Variants in CDH4 observed in about 807,000 individuals in gnomAD.
The protein encoded by CDH4 is cadherin 4, also known as cadherin-4.
Under a neutral mutation model 86.0 loss-of-function variants are expected in CDH4, and 33 were observed. The ratio of observed to expected loss-of-function variants is 0.38; its 90% CI spans 0.29 to 0.51. The LOEUF (loss-of-function observed/expected upper bound fraction) is 0.51. Ranked by LOEUF, CDH4 falls within the 20% of genes least tolerant of loss-of-function variation. The probability of loss-of-function intolerance (pLI) is 0.86; values close to 1 mark genes in which losing one functional copy is unlikely to be tolerated. For missense variants in CDH4, 1,114 were observed against 1,307.4 expected, an observed-to-expected ratio of 0.85 and a Z score of 2.28; for synonymous variants, 555 against 549.4, an observed-to-expected ratio of 1.01 and a Z score of -0.14.
At position 61,676,376 on chromosome 20, in the gene CDH4, A is replaced by C. The variant is rs562487578; in HGVS notation, c.170-67187A>C. Among the ~76,000 whole-genome samples the C allele has an allele frequency of 2.6e-5, 4 of 152,156 alleles. No homozygotes were observed. Among genetic ancestry groups the C allele is most frequent in the African/African-American group, 9.7e-5 (4 of 41,444 alleles). On this transcript the variant is annotated intron_variant, in intron 2 of 15. Coordinates refer to ENST00000614565, the MANE Select transcript of CDH4 (RefSeq NM_001794.5). This position sits in a 1 kb window ranked among gnomAD's most constrained non-coding sequence, Gnocchi z 4.5. Reference sequence around the variant, plus strand: ...GCATTAGCACCTTCTTTCCATTCCAATTTGGATCTTCCAAGGCATCCATCT... The same window carrying C: ...GCATTAGCACCTTCTTTCCATTCCACTTTGGATCTTCCAAGGCATCCATCT...
intron 3 of CDH4, among the ~76,000 whole-genome samples, chr20:61,745,427 G>A (rs1276063866): frequency 6.6e-6 from 1 of 152,226 alleles, no homozygotes; most frequent in East Asian, 1.9e-4. Flanking sequence ...GTTTAGGTTA[G>A]AAAAGAGAAA....
At chr20:61,637,335 C>G (rs947161113) in intron 2 of CDH4, among the ~76,000 whole-genome samples, 17 of 152,186 alleles carry the variant, frequency 1.1e-4, no homozygotes, top group Non-Finnish European at 2.2e-4. Flanking sequence ...GAGAGACCTC[C>G]CCTACCCGCA....
intron 4 of CDH4, among the ~76,000 whole-genome samples, chr20:61,788,867 T>G (rs1979018509): frequency 6.6e-6 from 1 of 152,184 alleles, no homozygotes; most frequent in East Asian, 1.9e-4. Context: ...AATTGCATCT[T>G]GGAAATCAAC....
At chr20:61,899,977 G>A (rs1343254680) in intron 8 of CDH4, among the ~76,000 whole-genome samples, 1 of 152,198 alleles carries the variant, frequency 6.6e-6, no homozygotes, top group Non-Finnish European at 1.5e-5. Context: ...ATGTTTTTGA[G>A]GTCCTTCTGG....
intron 4 of CDH4, among the ~76,000 whole-genome samples, chr20:61,833,236 C>T (rs753257929): frequency 1.3e-5 from 2 of 152,086 alleles, no homozygotes; most frequent in Admixed American, 6.5e-5. Flanking sequence ...TTCCAATGGA[C>T]GAGACCTAAA....
At chr20:61,903,922 C>A (rs566707884) in intron 8 of CDH4, among the ~76,000 whole-genome samples, 2 of 152,368 alleles carry the variant, frequency 1.3e-5, no homozygotes, top group East Asian at 1.9e-4. Context: ...CTGAGACAGG[C>A]CTGTCTCCTT....
At chr20:61,285,419 G>A (rs549867693) in intron 2 of CDH4, among the ~76,000 whole-genome samples, 5 of 152,294 alleles carry the variant, frequency 3.3e-5, no homozygotes, top group South Asian at 2.1e-4. Context: ...GGGGCAGGAC[G>A]GGTCCGAGGC....
At position 61,312,097 on chromosome 20, in the gene CDH4, T is replaced by C. The variant is rs543159462; in HGVS notation, c.169+57160T>C. ...TGTGTGGTGTGTATATGTATGTGCA[T>C]GTGTGTGATGTGTGGTGTGTGCATG... On this transcript the variant is annotated intron_variant, in intron 2 of 15. Coordinates refer to ENST00000614565, the MANE Select transcript of CDH4 (RefSeq NM_001794.5). Among the ~76,000 whole-genome samples the C allele has an allele frequency of 2.0e-5, 3 of 148,714 alleles. No homozygotes were observed. In the East Asian group the frequency reaches 6.1e-4, roughly 30 times the overall value.
intron 9 of CDH4, among the ~76,000 whole-genome samples, chr20:61,918,849 A>C (rs909372324): frequency 3.3e-5 from 5 of 152,022 alleles, no homozygotes; most frequent in African/African-American, 9.7e-5. Flanking sequence ...TTTTCCTTCC[A>C]TGCCCATCCA....
chr20:61,601,522 G>A (rs6061661), intron 2 of CDH4, among the ~76,000 whole-genome samples: 34,049 of 152,082 alleles, frequency 0.22, 3,910 homozygotes, highest in South Asian at 0.34. Context: ...CGTCAGCCCC[G>A]GCCTAACCCT....
intron 2 of CDH4, among the ~76,000 whole-genome samples, chr20:61,371,836 A>C (rs534082792): frequency 1.3e-4 from 20 of 152,318 alleles, no homozygotes; most frequent in Admixed American, 1.1e-3. Flanking sequence ...TTTGAATCTG[A>C]AATCTTTTCC....
At chr20:61,291,794 CA>C (rs1362493221) in intron 2 of CDH4, among the ~76,000 whole-genome samples, 46 of 152,142 alleles carry the variant, frequency 3.0e-4, no homozygotes, top group African/African-American at 1.0e-3. Context: ...GTTTGTCACA[CA>C]GGTTAACACG....
chr20:61,645,692 C>T (rs995153574), intron 2 of CDH4, among the ~76,000 whole-genome samples: 1 of 151,944 alleles, frequency 6.6e-6, no homozygotes, highest in Non-Finnish European at 1.5e-5. Context: ...GGGAACCATG[C>T]GGAGAGCTGC....
At chr20:61,588,824 C>T (rs777039447) in intron 2 of CDH4, among the ~76,000 whole-genome samples, 20 of 152,198 alleles carry the variant, frequency 1.3e-4, no homozygotes, top group Non-Finnish European at 2.5e-4. Flanking sequence ...AACAGCTTTT[C>T]CAACTGATGT....
At chr20:61,447,661 A>G (rs1442092665) in intron 2 of CDH4, among the ~76,000 whole-genome samples, 3 of 128,564 alleles carry the variant, frequency 2.3e-5, no homozygotes, top group Non-Finnish European at 4.7e-5. Flanking sequence ...GAGATGGTGC[A>G]TGGAAAATTT....
At chr20:61,630,876 G>T (rs985285675) in intron 2 of CDH4, among the ~76,000 whole-genome samples, 4 of 152,192 alleles carry the variant, frequency 2.6e-5, no homozygotes, top group African/African-American at 9.6e-5. Context: ...CATGAACGGG[G>T]CCCTTGCTAC....
Position 61,565,221 on chromosome 20 carries a change from T to TG in CDH4, c.170-178342_170-178341insG, listed in dbSNP as rs1414076004. Among the ~76,000 whole-genome samples the TG allele has an allele frequency of 8.9e-4, 36 of 40,546 alleles. 3 individuals are homozygous for TG. Among genetic ancestry groups the TG allele is most frequent in the Non-Finnish European group, 1.3e-3 (27 of 20,462 alleles). The allele number at this position is 40,546 out of a possible 152,430, so 26.6% of individuals were successfully genotyped here. A position where few individuals can be genotyped will look rare whatever the true frequency, so the allele number is the denominator to read the frequency against. ...GTGGTGGTCGCGGTGCTCTCGGTGGTAGGTGGTGGTGGTGGTGGTGGCGGT... is the reference window on the plus strand; with the variant it reads ...GTGGTGGTCGCGGTGCTCTCGGTGGTGAGGTGGTGGTGGTGGTGGTGGCGGT... On this transcript the variant is annotated intron_variant, in intron 2 of 15. Coordinates refer to ENST00000614565, the MANE Select transcript of CDH4 (RefSeq NM_001794.5).
At chr20:61,853,835 GA>G (rs566100627) in intron 6 of CDH4, among the ~76,000 whole-genome samples, 58 of 152,278 alleles carry the variant, frequency 3.8e-4, no homozygotes, top group Non-Finnish European at 5.9e-4. Flanking sequence ...GGGGGGTGGA[GA>G]GGGGTCCTCT....
chr20:61,433,283 G>A (rs780695545), intron 2 of CDH4, among the ~76,000 whole-genome samples: 2 of 152,080 alleles, frequency 1.3e-5, no homozygotes, highest in South Asian at 2.1e-4. Context: ...TTACCTCGGC[G>A]GTTTTGTCGG....
Sources: gnomAD v4.1 joint callset for allele counts (sites outside exome capture counted in the v4.1 genomes callset) on GRCh38, gnomAD v4.1.1 for gene constraint, Gnocchi (gnomAD v3.1) non-coding constraint, MANE v1.5 for transcripts, NCBI Gene and HGNC (gene_info 2026-07-23, HGNC 2026-07-21) for gene names.